The following UMODL1 variants were observed in gnomAD, a reference collection of about 807,000 sequenced individuals.
The protein encoded by UMODL1 is uromodulin like 1, also known as uromodulin-like 1.
UMODL1 carries 128 observed loss-of-function variants against 136.3 expected under a neutral mutation model. The ratio of observed to expected loss-of-function variants is 0.94; its 90% CI spans 0.81 to 1.09. The LOEUF (loss-of-function observed/expected upper bound fraction) is 1.09, where lower values mean the gene tolerates loss of function less well. Ranked by LOEUF, UMODL1 falls within the 50% of genes least tolerant of loss-of-function variation. The probability of loss-of-function intolerance (pLI) is 0.00; values close to 1 mark genes in which losing one functional copy is unlikely to be tolerated. For missense variants in UMODL1, 1,766 were observed against 1,725.6 expected, an observed-to-expected ratio of 1.02 and a Z score of -0.41; for synonymous variants, 721 against 720.0, an observed-to-expected ratio of 1.00 and a Z score of -0.02.
At chr21:42,072,191 C>T (rs554410828) in intron 1 of UMODL1, among the ~76,000 whole-genome samples, 20 of 152,224 alleles carry the variant, frequency 1.3e-4, no homozygotes, top group Non-Finnish European at 2.4e-4. Context: ...GGGCTCTGTC[C>T]GGAGTTTTCC....
upstream of UMODL1, among the ~76,000 whole-genome samples, chr21:42,067,173 C>G (rs1257115067): frequency 6.6e-6 from 1 of 152,084 alleles, no homozygotes. Context: ...GGAGTTTCAC[C>G]ATCTTGGCCA....
chr21:42,091,258 AAG>A (rs2066488830), intron 6 of UMODL1, among the ~76,000 whole-genome samples: 1 of 152,230 alleles, frequency 6.6e-6, no homozygotes, highest in South Asian at 2.1e-4. Flanking sequence ...TGGCGCATGA[AAG>A]GGCAGGACTG....
Position 42,102,249 on chromosome 21 carries a change from C to G in UMODL1, c.1270C>G (p.Gln424Glu), listed in dbSNP as rs770212936. 16 of 1,613,126 alleles carry G rather than the reference C, an allele frequency of 9.9e-6. No individual in the cohort carries two copies. The East Asian group carries it at 3.6e-4, about 36-fold the overall frequency. ...ACTCAACCGCAGCAGTGTGGAGTAC[C>G]AGGACTTTTCTAGACAACTGCTTCA... ...KLLNRSSVEY[Q>E]DFSRQLLHEV... Residue 424 changes from glutamine (Q) to glutamate (E), a missense_variant, in exon 8 of 23, where the codon CAG (glutamine) becomes GAG (glutamate). Physicochemically the swap from Gln to Glu is conservative, Grantham distance 29. Coordinates refer to ENST00000408910, the MANE Select transcript of UMODL1 (RefSeq NM_001004416.3).
chr21:42,122,086 T>C lies in UMODL1; in HGVS notation c.2828-745T>C, dbSNP rs76201092. On this transcript the variant is annotated intron_variant, in intron 16 of 22. Coordinates refer to ENST00000408910, the MANE Select transcript of UMODL1 (RefSeq NM_001004416.3). The surrounding 1 kb of genome is among the most constrained non-coding windows in gnomAD (Gnocchi z 4.3). ...TTGGACTATGGCCCAGAGACAGGAG[T>C]GAGCTGGGTGGAGCTGCAGGGTGCT... is the stretch of plus-strand genomic sequence containing the variant. Among the ~76,000 whole-genome samples the C allele has an allele frequency of 0.016, 2,416 of 150,988 alleles. 37 individuals carry two copies. Among genetic ancestry groups the C allele is most frequent in the East Asian group, 0.095 (488 of 5,112 alleles).
rs546805058 is a variant in UMODL1 at position 42,085,485 on chromosome 21, G to A, written c.603+73G>A. ...CTCAGGCAGACCCAGGTATGGGGCCGTGGAAGGGACCTGGGGGTTGGGGAG... is the reference window on the plus strand; with the variant it reads ...CTCAGGCAGACCCAGGTATGGGGCCATGGAAGGGACCTGGGGGTTGGGGAG... On this transcript the variant is annotated intron_variant, in intron 4 of 22. Coordinates refer to ENST00000408910, the MANE Select transcript of UMODL1 (RefSeq NM_001004416.3). The surrounding 1 kb of genome is among the most constrained non-coding windows in gnomAD (Gnocchi z 4.5). 690 of 1,606,818 alleles carry A rather than the reference G, an allele frequency of 4.3e-4. 7 individuals carry two copies. In the South Asian group the frequency reaches 6.5e-3, roughly 15 times the overall value.
intron 21 of UMODL1, among the ~76,000 whole-genome samples, chr21:42,133,139 A>C (rs1336894648): frequency 1.3e-5 from 2 of 152,240 alleles, no homozygotes; most frequent in Non-Finnish European, 2.9e-5. Flanking sequence ...GACACATGGA[A>C]TCTCCCAGTT....
At chr21:42,126,580 G>A (rs1351603028) in intron 18 of UMODL1, 90 bp downstream of exon 18, 3 of 1,574,392 alleles carry the variant, frequency 1.9e-6, no homozygotes, top group Non-Finnish European at 1.7e-6. Context: ...ACCACTTAAG[G>A]ACCCTTCCTT....
chr21:42,092,908 A>G (rs1005573151), intron 6 of UMODL1, among the ~76,000 whole-genome samples: 1 of 152,076 alleles, frequency 6.6e-6, no homozygotes, highest in Non-Finnish European at 1.5e-5. Context: ...ATTTTCTTGC[A>G]TAAGATCCCA....
In UMODL1 at chr21:42,084,287, C is replaced by T. The variant is rs761595610; in HGVS notation, c.481+42C>T. 29 of 1,601,784 alleles carry T rather than the reference C, an allele frequency of 1.8e-5. 1 individual carries two copies. The highest frequency in any genetic ancestry group is 8.9e-5 in the East Asian group (4 of 44,788). ...CATGCTTATGGACAGGCAGCAAAGG[C>T]GGGTCTCGGTGAGGCCTGATCTGTG... On this transcript the variant is annotated intron_variant, in intron 3 of 22. Coordinates refer to ENST00000408910, the MANE Select transcript of UMODL1 (RefSeq NM_001004416.3).
rs1240608362 is a variant in UMODL1, at chr21:42,127,768, C to T, written c.3627C>T (p.Ser1209=). 1 of 1,614,216 alleles carries T rather than the reference C, an allele frequency of 6.2e-7. No homozygotes were observed. The highest frequency in any genetic ancestry group is 8.5e-7 in the Non-Finnish European group (1 of 1,180,032). ...GGATCTTTTCCTTTATCAACGACTC[C>T]ATCGTCTACCTGCACTGCAAACTCC... ...KLRIFSFIND[S]IVYLHCKLRV... The change falls in exon 20 of 23, where the codon TCC becomes TCT. Residue 1209 remains serine (S), a synonymous_variant. Coordinates refer to ENST00000408910, the MANE Select transcript of UMODL1 (RefSeq NM_001004416.3).
chr21:42,128,062 T>C, intron 20 of UMODL1: 1 of 637,806 alleles, frequency 1.6e-6, no homozygotes, highest in Non-Finnish European at 2.9e-6. Flanking sequence ...TCTCAATGGC[T>C]GAGCTGAGTT....
intron 6 of UMODL1, among the ~76,000 whole-genome samples, chr21:42,094,383 G>T (rs1213054285): frequency 6.6e-6 from 1 of 152,256 alleles, no homozygotes; most frequent in South Asian, 2.1e-4. Context: ...ACTGTCAGAC[G>T]TGGAGAACCC....
chr21:42,104,883 A>G (rs1011440081), intron 9 of UMODL1, among the ~76,000 whole-genome samples: 13 of 152,218 alleles, frequency 8.5e-5, no homozygotes, highest in African/African-American at 3.1e-4. Flanking sequence ...CACGGAGACC[A>G]GGTTCTTGCT....
chr21:42,122,664 T>C lies in UMODL1; in HGVS notation c.2828-167T>C, dbSNP rs1267416485. 8.5e-5 allele frequency among the ~76,000 whole-genome samples: 6 copies of C among 70,746 alleles called. No individual in the cohort carries two copies. Among genetic ancestry groups the C allele is most frequent in the Non-Finnish European group, 1.2e-4 (4 of 34,042 alleles). The allele number at this position is 70,746 out of a possible 152,430, so 46.4% of individuals were successfully genotyped here. A position where few individuals can be genotyped will look rare whatever the true frequency, so the allele number is the denominator to read the frequency against. ...GTACGTGTGTGTGCATATGTGTGCG[T>C]GTGTGTGTGTGTGTGTGCACGTGTG... On this transcript the variant is annotated intron_variant, in intron 16 of 22. Coordinates refer to ENST00000408910, the MANE Select transcript of UMODL1 (RefSeq NM_001004416.3). The surrounding 1 kb of genome is among the most constrained non-coding windows in gnomAD (Gnocchi z 4.3).
chr21:42,133,661 G>A (rs113892043), intron 21 of UMODL1, among the ~76,000 whole-genome samples: 4 of 152,310 alleles, frequency 2.6e-5, no homozygotes, highest in Admixed American at 1.3e-4. Context: ...CTCCCTTGCC[G>A]CTTCCTCGTT....
At chr21:42,095,337 C>T (rs576665663) in intron 6 of UMODL1, among the ~76,000 whole-genome samples, 75 of 152,102 alleles carry the variant, frequency 4.9e-4, no homozygotes, top group Admixed American at 1.4e-3. Context: ...TCAAGCCATC[C>T]GCCCACTTTG....
intron 6 of UMODL1, among the ~76,000 whole-genome samples, chr21:42,091,123 ATCT>A (rs540311049): frequency 5.2e-3 from 787 of 152,304 alleles, no homozygotes; most frequent in Middle Eastern, 0.037. Flanking sequence ...CCACCCTCGC[ATCT>A]TCTTTGGCTT....
chr21:42,119,459 T>C (rs1040790787), intron 15 of UMODL1, 135 bp downstream of exon 15: 1 of 760,550 alleles, frequency 1.3e-6, no homozygotes, highest in Non-Finnish European at 2.2e-6. Context: ...TAGATGAAGA[T>C]GTGAAATAGA....
intron 21 of UMODL1, among the ~76,000 whole-genome samples, chr21:42,133,564 C>T (rs1055022236): frequency 4.6e-5 from 7 of 152,342 alleles, no homozygotes; most frequent in African/African-American, 1.4e-4. Context: ...CAACAGAAAT[C>T]TGTTCTCTCT....
Sources: gnomAD v4.1 joint callset for allele counts (sites outside exome capture counted in the v4.1 genomes callset) on GRCh38, gnomAD v4.1.1 for gene constraint, Gnocchi (gnomAD v3.1) non-coding constraint, MANE v1.5 for transcripts, NCBI Gene and HGNC (gene_info 2026-07-23, HGNC 2026-07-21) for gene names.